GLG1: variants seen among roughly 807,000 people sequenced by gnomAD.
GLG1 encodes the protein golgi glycoprotein 1.
In GLG1, 38 loss-of-function variants were observed where a neutral mutation model predicts 160.5. The observed-to-expected ratio is 0.24, with a 90% CI of 0.18 to 0.31. GLG1 has a LOEUF of 0.31. GLG1 is among the 10% of genes least tolerant of loss of function. GLG1 has a pLI of 1.00. For missense variants in GLG1, 1,373 were observed against 1,505.2 expected, an observed-to-expected ratio of 0.91 and a Z score of 1.45; for synonymous variants, 644 against 543.4, an observed-to-expected ratio of 1.19 and a Z score of -2.57.
intron 3 of GLG1, among the ~76,000 whole-genome samples, chr16:74,504,446 C>A (rs1167784611): frequency 6.6e-6 from 1 of 152,110 alleles, no homozygotes; most frequent in African/African-American, 2.4e-5. Context: ...CACCTCCATG[C>A]CAGGCTAATT....
chr16:74,470,826 C>T (rs112922237), intron 15 of GLG1, among the ~76,000 whole-genome samples: 11 of 152,116 alleles, frequency 7.2e-5, no homozygotes, highest in Non-Finnish European at 1.3e-4. Context: ...GTGGCGATCT[C>T]GGCTCACTAC....
In GLG1 at chr16:74,496,466, T is replaced by C. The variant is rs1164635645; in HGVS notation, c.953A>G (p.Asp318Gly). The change falls in exon 5 of 26, where the codon GAT becomes GGT. Residue 318 changes from aspartate to glycine, a missense_variant. Around this residue, in one of 4 missense-constraint regions of GLG1, gnomAD observed 174 missense variants for 229.9 expected, o/e 0.76. Coordinates refer to ENST00000422840, the MANE Select transcript of GLG1 (RefSeq NM_001145667.2). ...ATTTTCACAAAAACGCTCCCGATCA[T>C]CTCGGCAAGCAAAATATAAATGCCG... ...LDRHLYFACRDDRERFCENTQ... is the reference protein window; with the variant it reads ...LDRHLYFACRGDRERFCENTQ... The C allele has an allele frequency of 5.6e-6, 9 of 1,613,738 alleles. No homozygotes were observed. The highest frequency in any genetic ancestry group is 2.2e-5 in the East Asian group (1 of 44,884).
Position 74,456,422 on chromosome 16 carries a change from A to G in GLG1, c.3372+227T>C, listed in dbSNP as rs2014541994. Reference sequence around the variant, plus strand: ...TGATCTGCCTGCCTCGGCCTCCCAAAACGCTGAGATTACAGGCGCGAGCCA... The same window carrying G: ...TGATCTGCCTGCCTCGGCCTCCCAAGACGCTGAGATTACAGGCGCGAGCCA... On this transcript the variant is annotated intron_variant, in intron 25 of 25. Transcript: ENST00000422840. 5.5e-5 allele frequency: 26 copies of G among 474,902 alleles called. No individual in the cohort carries two copies. In the South Asian group the frequency reaches 6.3e-4, roughly 11 times the overall value. 29.4% of individuals were successfully genotyped at this position (474,902 alleles called of 1,614,324 possible). A position where few individuals can be genotyped will look rare whatever the true frequency, so the allele number is the denominator to read the frequency against.
chr16:74,491,204 T>C lies in GLG1; in HGVS notation c.1246A>G (p.Ser416Gly), dbSNP rs1372363846. Residue 416 changes from serine to glycine, a missense_variant, in exon 8 of 26, where the codon AGC (serine) becomes GGC (glycine). Transcript: ENST00000422840. ...AGCATCTCCCCCTGGCACTCACTGC[T>C]GACTTGTCGCCCTAAGTTAGGATGT... ...ESAVHRGRQV[S>G]SECQGEMLDY... The C allele has an allele frequency of 1.4e-5, 23 of 1,613,470 alleles. No individual in the cohort carries two copies. The highest frequency in any genetic ancestry group is 1.9e-5 in the Non-Finnish European group (22 of 1,179,390).
chr16:74,515,361 T>C (rs562796875), intron 2 of GLG1, among the ~76,000 whole-genome samples: 77 of 152,244 alleles, frequency 5.1e-4, no homozygotes, highest in African/African-American at 1.6e-3. Context: ...CAGCACCACA[T>C]TGCACTTATT....
chr16:74,509,123 G>A lies in GLG1; in HGVS notation c.472-198C>T, dbSNP rs182972085. Reference sequence around the variant, plus strand: ...AAAAATGCAAGCCAAATAAAAGGATGACTATTCAGATATATTTTTGTCGTT... The same window carrying A: ...AAAAATGCAAGCCAAATAAAAGGATAACTATTCAGATATATTTTTGTCGTT... On this transcript the variant is annotated intron_variant, in intron 2 of 25. Transcript: ENST00000422840. 2.7e-5 allele frequency among the ~76,000 whole-genome samples: 4 copies of A among 148,000 alleles called. No individual in the cohort carries two copies. In the East Asian group the frequency reaches 5.9e-4, roughly 22 times the overall value.
At chr16:74,471,496 G>A (rs2015207158) in intron 14 of GLG1, among the ~76,000 whole-genome samples, 1 of 152,064 alleles carries the variant, frequency 6.6e-6, no homozygotes, top group African/African-American at 2.4e-5. Flanking sequence ...TTCCGTATAA[G>A]ACATGATATA....
rs531720341 is a variant in GLG1, at chr16:74,574,883, C to CAAAAAAAAAAAAAAAAAAAAAAAAAA, written c.438+31748_438+31773dup. ...TGGGTAAGAGAGCAAGACTCTGTCT[C>CAAAAAAAAAAAAAAAAAAAAAAAAAA]AAAAAAAAAAAAAAAAAAAAAAAAA... is the stretch of plus-strand genomic sequence containing the variant. On this transcript the variant is annotated intron_variant, in intron 1 of 25. Transcript: ENST00000422840. Among the ~76,000 whole-genome samples the CAAAAAAAAAAAAAAAAAAAAAAAAAA allele has an allele frequency of 1.2e-4, 3 of 24,792 alleles. 1 individual carries two copies. Among genetic ancestry groups the CAAAAAAAAAAAAAAAAAAAAAAAAAA allele is most frequent in the African/African-American group, 2.5e-4 (1 of 4,002 alleles). The allele number at this position is 24,792 out of a possible 152,430, so 16.3% of individuals were successfully genotyped here. A position where few individuals can be genotyped will look rare whatever the true frequency, so the allele number is the denominator to read the frequency against.
chr16:74,480,395 C>A lies in GLG1; in HGVS notation c.1674-1G>T. On this transcript the variant is annotated splice_acceptor_variant, in intron 10 of 25. Coordinates refer to ENST00000422840, the MANE Select transcript of GLG1 (RefSeq NM_001145667.2). LOFTEE classifies it high-confidence loss of function. ...CTTGCGGTACAGGACAGGGTCCAGC[C>A]TATAAGGTTAAGAGTTAAAAGATAA... 6.2e-7 allele frequency: 1 copy of A among 1,605,244 alleles called. No homozygotes were observed. Among genetic ancestry groups the A allele is most frequent in the Non-Finnish European group, 8.5e-7 (1 of 1,176,232 alleles).
chr16:74,462,778 T>G, intron 20 of GLG1, 148 bp from the exon 21 acceptor site: 2 of 713,904 alleles, frequency 2.8e-6, no homozygotes, highest in Non-Finnish European at 4.8e-6. Context: ...TACTGAGCTC[T>G]CACTACACTG....
At position 74,479,258 on chromosome 16, in the gene GLG1, G is replaced by A. The variant is rs774616145; in HGVS notation, c.1827+983C>T. On this transcript the variant is annotated intron_variant, in intron 11 of 25. Coordinates refer to ENST00000422840, the MANE Select transcript of GLG1 (RefSeq NM_001145667.2). ...TGTCTCAAAAAAAAAAAAAAAAAAG[G>A]TTAATTTTATGTTATGTGAATTTCA... 1.4e-3 allele frequency among the ~76,000 whole-genome samples: 194 copies of A among 139,440 alleles called. 1 individual carries two copies. The highest frequency in any genetic ancestry group is 4.3e-3 in the Admixed American group (59 of 13,798). The allele number at this position is 139,440 out of a possible 152,430, so 91.5% of individuals were successfully genotyped here.
intron 9 of GLG1, among the ~76,000 whole-genome samples, chr16:74,483,781 C>A (rs1164348557): frequency 6.6e-6 from 1 of 151,958 alleles, no homozygotes; most frequent in East Asian, 1.9e-4. Flanking sequence ...CCTCAGCCTC[C>A]CGAGTAGCTG....
chr16:74,543,491 A>G (rs1329025316), intron 1 of GLG1, among the ~76,000 whole-genome samples: 1 of 152,154 alleles, frequency 6.6e-6, no homozygotes, highest in Non-Finnish European at 1.5e-5. Flanking sequence ...AAAAACAGAC[A>G]AAAAACTGAA....
rs2015242792 is a variant in GLG1, at chr16:74,472,511, T to C, written c.2053-100A>G. The C allele has an allele frequency of 3.7e-6, 5 of 1,350,196 alleles. No homozygotes were observed. In the South Asian group the frequency reaches 6.3e-5, roughly 17 times the overall value. The allele number at this position is 1,350,196 out of a possible 1,614,324, so 83.6% of individuals were successfully genotyped here. On this transcript the variant is annotated intron_variant, in intron 13 of 25. Coordinates refer to ENST00000422840, the MANE Select transcript of GLG1 (RefSeq NM_001145667.2). ...GAATCAGTAATATCTGATGGGCAAA[T>C]AATCTAATACATACTTTTGGAAACG...
At chr16:74,519,660 C>A (rs540588436) in intron 2 of GLG1, among the ~76,000 whole-genome samples, 1 of 151,624 alleles carries the variant, frequency 6.6e-6, no homozygotes, top group African/African-American at 2.4e-5. Flanking sequence ...TTGAGTCAAA[C>A]GGTTCTATAA....
At chr16:74,529,116 G>A (rs2017444444) in intron 2 of GLG1, among the ~76,000 whole-genome samples, 2 of 151,746 alleles carry the variant, frequency 1.3e-5, no homozygotes. Context: ...ACAGGCACCT[G>A]CCACCACACC....
intron 4 of GLG1, among the ~76,000 whole-genome samples, chr16:74,503,150 T>A (rs2016471928): frequency 7.2e-5 from 11 of 151,778 alleles, no homozygotes; most frequent in Admixed American, 7.2e-4. Flanking sequence ...GAGGCTGCAA[T>A]GAGCGGAAAT....
chr16:74,488,669 G>C (rs930718687), intron 8 of GLG1, among the ~76,000 whole-genome samples: 1 of 151,852 alleles, frequency 6.6e-6, no homozygotes, highest in Admixed American at 6.6e-5. Context: ...GCCCAGGCTG[G>C]AGTGCAGTAG....
chr16:74,469,927 A>G, intron 16 of GLG1, 58 bp downstream of exon 16: 1 of 1,097,018 alleles, frequency 9.1e-7, no homozygotes, highest in South Asian at 1.2e-5. Context: ...TCGCATACTC[A>G]TTCCGGAGCT....
Sources: gnomAD v4.1 joint callset for allele counts (sites outside exome capture counted in the v4.1 genomes callset) on GRCh38, gnomAD v4.1.1 for gene constraint, gnomAD v4.1.1 regional missense constraint, MANE v1.5 for transcripts, NCBI Gene and HGNC (gene_info 2026-07-23, HGNC 2026-07-21) for gene names.